Variants in PFKFB3 observed in about 807,000 individuals in gnomAD.
PFKFB3 encodes the protein 6-phosphofructo-2-kinase/fructose-2,6-biphosphatase 3, also known as 6-phosphofructo-2-kinase/fructose-2,6-bisphosphatase 3.
Under a neutral mutation model 68.0 loss-of-function variants are expected in PFKFB3, and 33 were observed. The observed-to-expected ratio is 0.49, with a 90% CI of 0.37 to 0.65. The LOEUF (loss-of-function observed/expected upper bound fraction) is 0.65, where lower values mean the gene tolerates loss of function less well. PFKFB3 is among the 30% of genes least tolerant of loss of function. The probability of loss-of-function intolerance (pLI) is 0.00; values close to 1 mark genes in which losing one functional copy is unlikely to be tolerated. For synonymous variants in PFKFB3, 315 were observed against 288.2 expected, an observed-to-expected ratio of 1.09 and a Z score of -0.94; for missense variants, 586 against 712.2, an observed-to-expected ratio of 0.82 and a Z score of 2.02.
chr10:6,234,968 C>G lies in PFKFB3; in HGVS notation c.*2026C>G, dbSNP rs573594459. ...GGGAGATACTATAGAAAGGAGAACA[C>G]TGCCTACTTTGCAAGCCAGTGACCT... On this transcript the variant is annotated 3_prime_UTR_variant, in exon 15 of 15. Coordinates refer to ENST00000379775, the MANE Select transcript of PFKFB3 (RefSeq NM_004566.4). 8.8e-5 allele frequency: 13 copies of G among 148,520 alleles called. No homozygotes were observed. The highest frequency in any genetic ancestry group is 3.3e-4 in the African/African-American group (13 of 39,756). 9.2% of individuals were successfully genotyped at this position (148,520 alleles called of 1,614,324 possible).
chr10:6,296,725 G>A, the PFKFB3 span, among the ~76,000 whole-genome samples: 11 of 152,208 alleles, frequency 7.2e-5, no homozygotes, highest in Non-Finnish European at 1.2e-4. Flanking sequence ...GCATGCTAAT[G>A]CATTATAATT....
the PFKFB3 span, chr10:6,326,559 A>C: frequency 6.6e-6 from 3 of 456,016 alleles, no homozygotes; most frequent in Non-Finnish European, 1.3e-5. Context: ...TGGAGTTACC[A>C]GTAAGGAGCT....
chr10:6,289,217 C>A, the PFKFB3 span, among the ~76,000 whole-genome samples: 16 of 142,570 alleles, frequency 1.1e-4, no homozygotes, highest in Non-Finnish European at 2.3e-4. Flanking sequence ...AATTAGATCT[C>A]ATTTGTCAAT....
rs1256127591 is a variant in PFKFB3, at chr10:6,231,371, G to A, written c.1516-1524G>A. On this transcript the variant is annotated intron_variant, in intron 14 of 14. Transcript: ENST00000379775. ...GCACCGCGTCACGGCATCTGGGTCT[G>A]TGTGCAGACTGGCCATCGTGCAATG... The A allele has an allele frequency of 1.9e-6, 3 of 1,609,328 alleles. No individual in the cohort carries two copies. In the African/African-American group the frequency reaches 4.0e-5, roughly 22 times the overall value.
chr10:6,261,831 C>A, the PFKFB3 span, among the ~76,000 whole-genome samples: 3 of 152,002 alleles, frequency 2.0e-5, no homozygotes, highest in African/African-American at 7.2e-5. Flanking sequence ...TCCATCTCTA[C>A]TAAAAATACA....
chr10:6,172,213 C>G (rs1332222739), intron 1 of PFKFB3, among the ~76,000 whole-genome samples: 3 of 152,216 alleles, frequency 2.0e-5, no homozygotes, highest in Non-Finnish European at 2.9e-5. Flanking sequence ...GGTCCCATGG[C>G]TTCTGCAGCC....
intron 1 of PFKFB3, among the ~76,000 whole-genome samples, chr10:6,210,107 G>T (rs1052233815): frequency 8.3e-6 from 1 of 120,500 alleles, no homozygotes; most frequent in East Asian, 2.2e-4. Context: ...TGAGGCGGGT[G>T]GGGGGTGTCT....
At chr10:6,213,584 A>G in intron 1 of PFKFB3, 39 bp from the exon 2 acceptor site, 1 of 1,590,098 alleles carries the variant, frequency 6.3e-7, no homozygotes, top group Non-Finnish European at 8.6e-7. Flanking sequence ...TTCTCCGGTC[A>G]CTTGGTTGAT....
intron 1 of PFKFB3, among the ~76,000 whole-genome samples, chr10:6,172,997 C>G (rs1842358779): frequency 6.6e-6 from 1 of 152,130 alleles, no homozygotes; most frequent in African/African-American, 2.4e-5. Context: ...TGCAGTGGCC[C>G]AGCTCTTCCC....
chr10:6,262,795 T>C, the PFKFB3 span, among the ~76,000 whole-genome samples: 4 of 151,948 alleles, frequency 2.6e-5, no homozygotes, highest in Non-Finnish European at 4.4e-5. Context: ...GGCAAGAGGG[T>C]GGTGTTATCA....
the PFKFB3 span, among the ~76,000 whole-genome samples, chr10:6,297,852 A>G: frequency 6.6e-6 from 1 of 152,034 alleles, no homozygotes; most frequent in Non-Finnish European, 1.5e-5. Flanking sequence ...ACACATCTCT[A>G]GTCTTGTATA....
At position 6,234,278 on chromosome 10, in the gene PFKFB3, TCTG is replaced by T. The variant is rs1202851824; in HGVS notation, c.*1340_*1342del. The T allele has an allele frequency of 6.6e-6, 1 of 152,368 alleles. No individual in the cohort carries two copies. The highest frequency in any genetic ancestry group is 1.5e-5 in the Non-Finnish European group (1 of 68,056). 9.4% of individuals were successfully genotyped at this position (152,368 alleles called of 1,614,324 possible). A position where few individuals can be genotyped will look rare whatever the true frequency, so the allele number is the denominator to read the frequency against. On this transcript the variant is annotated 3_prime_UTR_variant, in exon 15 of 15. Coordinates refer to ENST00000379775, the MANE Select transcript of PFKFB3 (RefSeq NM_004566.4). ...CAAAGGTCACTTTTCTTTCCTGCCT[TCTG>T]CTGTGAGCCCTGAGATCCTCCTCCC... is the stretch of plus-strand genomic sequence containing the variant.
the PFKFB3 span, among the ~76,000 whole-genome samples, chr10:6,290,597 C>A: frequency 4.0e-5 from 6 of 150,758 alleles, no homozygotes; most frequent in Non-Finnish European, 8.8e-5. Flanking sequence ...CTCCTGGGTA[C>A]AAATGATTCT....
At chr10:6,279,186 T>C in the PFKFB3 span, among the ~76,000 whole-genome samples, 4 of 152,266 alleles carry the variant, frequency 2.6e-5, no homozygotes, top group Non-Finnish European at 5.9e-5. Context: ...ACATATCATT[T>C]ATATAGTCTA....
the PFKFB3 span, among the ~76,000 whole-genome samples, chr10:6,282,633 C>A: frequency 1.3e-5 from 2 of 151,982 alleles, no homozygotes; most frequent in Non-Finnish European, 2.9e-5. Flanking sequence ...TCTCTGAGGA[C>A]AAGATAAAAG....
At chr10:6,277,967 A>G in the PFKFB3 span, among the ~76,000 whole-genome samples, 1 of 151,016 alleles carries the variant, frequency 6.6e-6, no homozygotes, top group Non-Finnish European at 1.5e-5. Flanking sequence ...ATCAAGCTGG[A>G]GTGCAGTGGC....
rs562527246 is a variant in PFKFB3 at position 6,155,149 on chromosome 10, C to T, written c.16+10136C>T. ...CCGAAAGGTTCTGAGGGGTTTACTC[C>T]GGGCACTGAGCATGCTCTCTTCCAA... is the stretch of plus-strand genomic sequence containing the variant. On this transcript the variant is annotated intron_variant, in intron 1 of 14. Transcript: ENST00000379789. 9.9e-5 allele frequency among the ~76,000 whole-genome samples: 15 copies of T among 152,004 alleles called. No homozygotes were observed. The South Asian group carries it at 1.7e-3, about 17-fold the overall frequency.
At chr10:6,295,175 G>A in the PFKFB3 span, among the ~76,000 whole-genome samples, 2 of 151,914 alleles carry the variant, frequency 1.3e-5, no homozygotes, top group Non-Finnish European at 2.9e-5. Flanking sequence ...GATGTCTTGG[G>A]TTTTCCTAGA....
intron 1 of PFKFB3, among the ~76,000 whole-genome samples, chr10:6,208,410 G>A (rs928459109): frequency 9.8e-6 from 1 of 102,458 alleles, no homozygotes; most frequent in Non-Finnish European, 1.9e-5. Context: ...TAAAAACAGT[G>A]GAATGAGACA....
Sources: gnomAD v4.1 joint callset for allele counts (sites outside exome capture counted in the v4.1 genomes callset) on GRCh38, gnomAD v4.1.1 for gene constraint, MANE v1.5 for transcripts, NCBI Gene and HGNC (gene_info 2026-07-23, HGNC 2026-07-21) for gene names.